INPP4A: variants seen among roughly 807,000 people sequenced by gnomAD.
INPP4A encodes inositol polyphosphate-4-phosphatase, type I, 107kD.
In INPP4A, 33 loss-of-function variants were observed where a neutral mutation model predicts 119.8. The ratio of observed to expected loss-of-function variants is 0.28; its 90% CI spans 0.21 to 0.37. The LOEUF (loss-of-function observed/expected upper bound fraction) is 0.37. Among genes scored for constraint, INPP4A ranks in the 10% least tolerant of loss-of-function variants. The probability of loss-of-function intolerance (pLI) is 1.00; values close to 1 mark genes in which losing one functional copy is unlikely to be tolerated. For synonymous variants in INPP4A, 496 were observed against 500.7 expected (o/e 0.99, Z 0.12); for missense variants, 956 against 1,289.9 (o/e 0.74, Z 3.97).
intron 1 of INPP4A, among the ~76,000 whole-genome samples, chr2:98,514,924 G>GA (rs35664241): frequency 0.016 from 2,294 of 146,090 alleles, 63 homozygotes; most frequent in African/African-American, 0.054. Flanking sequence ...CTAAAAGCTG[G>GA]AAAAAAAAAA....
chr2:98,584,564 G>T (rs148273079), intron 24 of INPP4A, among the ~76,000 whole-genome samples: 1 of 152,270 alleles, frequency 6.6e-6, no homozygotes, highest in Non-Finnish European at 1.5e-5. Context: ...AGGACACCAC[G>T]GCCTGATCCT....
At chr2:98,493,635 A>G (rs1681317586) in intron 1 of INPP4A, among the ~76,000 whole-genome samples, 1 of 151,976 alleles carries the variant, frequency 6.6e-6, no homozygotes, top group Non-Finnish European at 1.5e-5. Flanking sequence ...GAGCTCAAGC[A>G]GTCTGCCTGC....
chr2:98,559,909 A>G (rs1463237329), intron 17 of INPP4A, among the ~76,000 whole-genome samples: 2 of 152,274 alleles, frequency 1.3e-5, no homozygotes, highest in East Asian at 3.9e-4. Context: ...GTAGAAACCA[A>G]TGTTTATGGT....
At chr2:98,456,330 C>A (rs937108968) in intron 1 of INPP4A, among the ~76,000 whole-genome samples, 4 of 152,074 alleles carry the variant, frequency 2.6e-5, no homozygotes, top group African/African-American at 9.7e-5. Context: ...AAAGCTTTTA[C>A]ATTTTTTATT....
chr2:98,459,044 G>A lies in INPP4A; in HGVS notation c.-166+13959G>A, dbSNP rs530465315. Among the ~76,000 whole-genome samples, 29 of 152,366 alleles carry A rather than the reference G, an allele frequency of 1.9e-4. 1 individual carries two copies. The South Asian group carries it at 6.0e-3, about 32-fold the overall frequency. On this transcript the variant is annotated intron_variant, in intron 1 of 24. Transcript: ENST00000409851. ...CACATTTGCCACCAGTGTGATTGGA[G>A]CATTCATGGAGCACAGAATATGACA...
rs556450816 is a variant in INPP4A, at chr2:98,565,661, A to G, written c.2174A>G (p.Glu725Gly). The G allele has an allele frequency of 3.1e-6, 5 of 1,609,496 alleles. No homozygotes were observed. The South Asian group carries it at 3.3e-5, about 11-fold the overall frequency. The change falls in exon 20 of 25, where the codon GAG becomes GGG. Residue 725 changes from glutamate to glycine, a missense_variant. Transcript: ENST00000409851. ...CCAGGGGAGGAGCTGGCAATGCTGG[A>G]GGACATGAGCCTTGGGATCATGGAC... ...STYGEELAML[E>G]DMSLGIMDLR...
At chr2:98,520,624 T>G in intron 3 of INPP4A, 63 bp from the exon 4 acceptor site, 1 of 1,050,048 alleles carries the variant, frequency 9.5e-7, no homozygotes, top group Non-Finnish European at 1.4e-6. Flanking sequence ...ATTTGTGCAT[T>G]TAATCTGAAA....
intron 22 of INPP4A, chr2:98,568,869 C>T: frequency 1.8e-6 from 1 of 547,752 alleles, no homozygotes; most frequent in Middle Eastern, 5.0e-4. Flanking sequence ...TCTTTGCTGT[C>T]GATTCTCTAC....
At chr2:98,520,250 C>G in intron 3 of INPP4A, 96 bp downstream of exon 3, 1 of 925,416 alleles carries the variant, frequency 1.1e-6, no homozygotes, top group South Asian at 1.5e-5. Context: ...AATGATTCCC[C>G]ATGACTACCC....
chr2:98,532,139 T>C (rs1458125834), intron 4 of INPP4A, among the ~76,000 whole-genome samples: 1 of 152,192 alleles, frequency 6.6e-6, no homozygotes, highest in Non-Finnish European at 1.5e-5. Context: ...GACAAAGATA[T>C]CTTCCCAGGT....
At chr2:98,484,863 A>G (rs567622661) in intron 1 of INPP4A, among the ~76,000 whole-genome samples, 25 of 152,172 alleles carry the variant, frequency 1.6e-4, no homozygotes, top group African/African-American at 5.8e-4. Flanking sequence ...CGGAGCCATT[A>G]TTTACCATTT....
chr2:98,561,608 G>A (rs1486399410), intron 17 of INPP4A, among the ~76,000 whole-genome samples: 1 of 151,932 alleles, frequency 6.6e-6, no homozygotes. Context: ...CGAAGCAATC[G>A]TTCTCATAGG....
At chr2:98,475,008 G>A (rs1676911045) in intron 1 of INPP4A, among the ~76,000 whole-genome samples, 1 of 151,994 alleles carries the variant, frequency 6.6e-6, no homozygotes, top group Admixed American at 6.6e-5. Context: ...TTTCTTTGTG[G>A]CAACAGAAAG....
At chr2:98,460,420 G>A (rs138582842) in intron 1 of INPP4A, among the ~76,000 whole-genome samples, 15 of 152,174 alleles carry the variant, frequency 9.9e-5, no homozygotes, top group African/African-American at 3.4e-4. Context: ...CAGATCACCC[G>A]GGGGGCTCGA....
intron 24 of INPP4A, among the ~76,000 whole-genome samples, chr2:98,581,072 G>A (rs775115382): frequency 1.8e-4 from 27 of 152,292 alleles, no homozygotes; most frequent in Admixed American, 9.8e-4. Flanking sequence ...TTTTGTTTGC[G>A]TGGTTGATCA....
intron 22 of INPP4A, 153 bp downstream of exon 22, chr2:98,568,821 G>C (rs973806386): frequency 1.7e-6 from 1 of 601,078 alleles, no homozygotes; most frequent in Admixed American, 2.8e-5. Context: ...CGCAGAGAGA[G>C]AGAGAGAAGC....
intron 1 of INPP4A, among the ~76,000 whole-genome samples, chr2:98,498,747 A>G (rs1400086617): frequency 6.6e-6 from 1 of 152,242 alleles, no homozygotes; most frequent in East Asian, 1.9e-4. Flanking sequence ...TTAAATTAGG[A>G]CATAAAAGTA....
chr2:98,546,152 A>C lies in INPP4A; in HGVS notation c.1054+79A>C. On this transcript the variant is annotated intron_variant, in intron 12 of 24. Transcript: ENST00000409851. This position sits in a 1 kb window ranked among gnomAD's most constrained non-coding sequence, Gnocchi z 4.2. ...TGGGTACTTGGTCCCTGAGTACCCC[A>C]CATCTGCCCATTTCCCTGTGTGCTC... 1 of 952,464 alleles carries C rather than the reference A, an allele frequency of 1.0e-6. No individual in the cohort carries two copies. The highest frequency in any genetic ancestry group is 1.6e-6 in the Non-Finnish European group (1 of 609,990). 59.0% of individuals were successfully genotyped at this position (952,464 alleles called of 1,614,324 possible). A position where few individuals can be genotyped will look rare whatever the true frequency, so the allele number is the denominator to read the frequency against.
chr2:98,528,435 A>G (rs1339264062), intron 4 of INPP4A, among the ~76,000 whole-genome samples: 1 of 152,142 alleles, frequency 6.6e-6, no homozygotes, highest in African/African-American at 2.4e-5. Flanking sequence ...ACCAATATAC[A>G]TATAATAGGA....
Sources: gnomAD v4.1 joint callset for allele counts (sites outside exome capture counted in the v4.1 genomes callset) on GRCh38, gnomAD v4.1.1 for gene constraint, Gnocchi (gnomAD v3.1) non-coding constraint, MANE v1.5 for transcripts, NCBI Gene and HGNC (gene_info 2026-07-23, HGNC 2026-07-21) for gene names.